Variants in ASPG observed in about 807,000 individuals in gnomAD.
The protein encoded by ASPG is asparaginase.
In ASPG, 53 loss-of-function variants were observed where a neutral mutation model predicts 63.2. The ratio of observed to expected loss-of-function variants is 0.84; its 90% CI spans 0.67 to 1.05. The LOEUF is 1.05. Ranked by LOEUF, ASPG falls within the 50% of genes least tolerant of loss-of-function variation. The pLI is 0.00. For missense variants in ASPG, 741 were observed against 794.4 expected (o/e 0.93, Z 0.81); for synonymous variants, 370 against 355.0 (o/e 1.04, Z -0.48).
At chr14:104,108,544 G>A (rs2037246444) in intron 12 of ASPG, 2 of 985,444 alleles carry the variant, frequency 2.0e-6, no homozygotes, top group Non-Finnish European at 2.4e-6. Flanking sequence ...CCTAAATGGG[G>A]TGATGGGGGG....
intron 14 of ASPG, 54 bp from the exon 15 acceptor site, chr14:104,111,866 C>A: frequency 6.6e-7 from 1 of 1,510,814 alleles, no homozygotes; most frequent in Non-Finnish European, 9.0e-7. Flanking sequence ...GATCCTTGGG[C>A]CAGGCTGCTA....
chr14:104,107,429 G>C lies in ASPG; in HGVS notation c.1433+84G>C, dbSNP rs938775401. 9 of 1,276,104 alleles carry C rather than the reference G, an allele frequency of 7.1e-6. 1 individual carries two copies. The highest frequency in any genetic ancestry group is 7.4e-5 in the Admixed American group (2 of 27,058). 79.0% of individuals were successfully genotyped at this position (1,276,104 alleles called of 1,614,324 possible). ...GGCTCCTGCACTCAAACAGCCTCCCGGGGCTGGGCTGGGAGAGGTGGAGGA... is the reference window on the plus strand; with the variant it reads ...GGCTCCTGCACTCAAACAGCCTCCCCGGGCTGGGCTGGGAGAGGTGGAGGA... On this transcript the variant is annotated intron_variant, in intron 12 of 15. Transcript: ENST00000551177.
chr14:104,109,324 A>C lies in ASPG; in HGVS notation c.1520+9A>C, dbSNP rs1231935707. On this transcript the variant is annotated intron_variant, in intron 13 of 15. Coordinates refer to ENST00000551177, the MANE Select transcript of ASPG (RefSeq NM_001080464.3). This position sits in a 1 kb window ranked among gnomAD's most constrained non-coding sequence, Gnocchi z 4.8. ...GGGACGGAGCTGTGCAGGTGAGTGCAGCTAGAGCACCTGCTCTTCCAGGGA... is the reference window on the plus strand; with the variant it reads ...GGGACGGAGCTGTGCAGGTGAGTGCCGCTAGAGCACCTGCTCTTCCAGGGA... 1 of 1,601,506 alleles carries C rather than the reference A, an allele frequency of 6.2e-7. No homozygotes were observed. Among genetic ancestry groups the C allele is most frequent in the Admixed American group, 1.7e-5 (1 of 58,798 alleles).
In ASPG at chr14:104,095,669, G is replaced by C. The variant is rs774944032; in HGVS notation, c.429+13G>C. The C allele has an allele frequency of 1.3e-4, 204 of 1,611,956 alleles. No individual in the cohort carries two copies. The highest frequency in any genetic ancestry group is 1.7e-4 in the Non-Finnish European group (199 of 1,179,692). Reference sequence around the variant, plus strand: ...CACTGGGGCCCAGGTAATCCCAGGGGCCCGGGGCTCCTAGGAACAGGGGCT... The same window carrying C: ...CACTGGGGCCCAGGTAATCCCAGGGCCCCGGGGCTCCTAGGAACAGGGGCT... On this transcript the variant is annotated intron_variant, in intron 4 of 15. Transcript: ENST00000551177.
chr14:104,111,997 C>A lies in ASPG; in HGVS notation c.1698C>A (p.Cys566Ter), dbSNP rs948686349. 6.4e-7 allele frequency: 1 copy of A among 1,552,998 alleles called. No homozygotes were observed. The highest frequency in any genetic ancestry group is 8.7e-7 in the Non-Finnish European group (1 of 1,147,884). ...LEGAVGAQAPCPEVLPGV is the reference protein window; with the variant it reads ...LEGAVGAQAP ...GTGCGGTTGGTGCCCAGGCCCCATG[C>A]CCAGTAAGTCCCCACCCCAGGCGGG... Residue 566 changes from cysteine (C) to a stop codon, truncating the protein, a stop_gained, in exon 15 of 16, where the codon TGC becomes TGA. Coordinates refer to ENST00000551177, the MANE Select transcript of ASPG (RefSeq NM_001080464.3). LOFTEE classifies it high-confidence loss of function.
chr14:104,105,565 G>C lies in ASPG; in HGVS notation c.1173+115G>C, dbSNP rs1196420334. The C allele has an allele frequency of 5.8e-6, 8 of 1,368,598 alleles. No individual in the cohort carries two copies. In the East Asian group the frequency reaches 2.1e-4, roughly 35 times the overall value. 84.8% of individuals were successfully genotyped at this position (1,368,598 alleles called of 1,614,324 possible). On this transcript the variant is annotated intron_variant, in intron 10 of 15. Transcript: ENST00000551177. ...TGTAGCCATCACTCGAGCCCAAACA[G>C]TTAGGCACACCCGGGTTCTGGGGCC... is the stretch of plus-strand genomic sequence containing the variant.
At chr14:104,090,644 C>G (rs2036339755) in intron 1 of ASPG, among the ~76,000 whole-genome samples, 1 of 152,262 alleles carries the variant, frequency 6.6e-6, no homozygotes, top group South Asian at 2.1e-4. Flanking sequence ...AGGCCAGCAT[C>G]TCCAAGGGCC....
intron 10 of ASPG, among the ~76,000 whole-genome samples, chr14:104,105,824 G>A (rs570056318): frequency 6.5e-4 from 99 of 152,324 alleles, no homozygotes; most frequent in Non-Finnish European, 1.1e-3. Flanking sequence ...TGAGGAACCC[G>A]GAGGTGAGGG....
At chr14:104,103,309 G>C (rs1325215148) in intron 6 of ASPG, among the ~76,000 whole-genome samples, 2 of 152,382 alleles carry the variant, frequency 1.3e-5, no homozygotes, top group East Asian at 3.9e-4. Flanking sequence ...CTCGGCCATC[G>C]GTCTCTCGCT....
In ASPG at chr14:104,113,375, C is replaced by T. The variant is rs566492693; in HGVS notation, c.*831C>T. 348 of 152,562 alleles carry T rather than the reference C, an allele frequency of 2.3e-3. No homozygotes were observed. Among genetic ancestry groups the T allele is most frequent in the Non-Finnish European group, 3.4e-3 (231 of 68,214 alleles). 9.5% of individuals were successfully genotyped at this position (152,562 alleles called of 1,614,324 possible). A position where few individuals can be genotyped will look rare whatever the true frequency, so the allele number is the denominator to read the frequency against. On this transcript the variant is annotated 3_prime_UTR_variant, in exon 16 of 16. Coordinates refer to ENST00000551177, the MANE Select transcript of ASPG (RefSeq NM_001080464.3). ...GGGTGGGGCGGGCCCTGCTGCTGCC[C>T]GGTGGGGGTGGTGCTCCAAGGCCAA...
chr14:104,087,986 G>A (rs1490826845), intron 1 of ASPG, among the ~76,000 whole-genome samples: 1 of 152,202 alleles, frequency 6.6e-6, no homozygotes, highest in Admixed American at 6.5e-5. Context: ...TGGGGTCCTG[G>A]CTTCTGCTCA....
Position 104,112,536 on chromosome 14 carries a change from G to C in ASPG, c.1714G>C (p.Gly572Arg). The change falls in exon 16 of 16, where the codon GGT becomes CGT. Residue 572 changes from glycine to arginine, a missense_variant. Transcript: ENST00000551177. Reference sequence around the variant, plus strand: ...CTCATGTTTTCAGGAAGTGCTGCCTGGTGTCTAACCTGAAGGCGTCCTGCT... The same window carrying C: ...CTCATGTTTTCAGGAAGTGCTGCCTCGTGTCTAACCTGAAGGCGTCCTGCT... ...AQAPCPEVLP[G>R]V The C allele has an allele frequency of 6.5e-7, 1 of 1,539,136 alleles. No individual in the cohort carries two copies. Among genetic ancestry groups the C allele is most frequent in the South Asian group, 1.1e-5 (1 of 89,262 alleles).
chr14:104,107,299 C>A lies in ASPG; in HGVS notation c.1387C>A (p.Arg463=). ...LLQRGVDVNT[R]DTDGFSPLLL... Reference sequence around the variant, plus strand: ...GCAGAGAGGTGTGGACGTGAACACCCGGGACACGGATGGCTTCAGCCCGCT... The same window carrying A: ...GCAGAGAGGTGTGGACGTGAACACCAGGGACACGGATGGCTTCAGCCCGCT... The change falls in exon 12 of 16, where the codon CGG becomes AGG. Residue 463 remains arginine (R), a synonymous_variant. Transcript: ENST00000551177. 1 of 1,605,460 alleles carries A rather than the reference C, an allele frequency of 6.2e-7. No homozygotes were observed. Among genetic ancestry groups the A allele is most frequent in the Non-Finnish European group, 8.5e-7 (1 of 1,175,282 alleles).
At chr14:104,093,051 C>T (rs1200066028) in intron 2 of ASPG, 11 of 482,666 alleles carry the variant, frequency 2.3e-5, no homozygotes, top group Non-Finnish European at 4.1e-5. Context: ...CCAGCTGGCC[C>T]AGGTGGCCTT....
At chr14:104,087,592 G>A (rs2036254054) in intron 1 of ASPG, among the ~76,000 whole-genome samples, 1 of 152,220 alleles carries the variant, frequency 6.6e-6, no homozygotes, top group African/African-American at 2.4e-5. Context: ...AGCAGGGCCG[G>A]AGCCTGCCAG....
chr14:104,108,922 C>T, intron 12 of ASPG: 1 of 985,372 alleles, frequency 1.0e-6, no homozygotes, highest in Non-Finnish European at 1.2e-6. Context: ...TCTGCTAGCA[C>T]CAACTAATGC....
In ASPG at chr14:104,094,881, C is replaced by T. The variant is rs374725323; in HGVS notation, c.304-650C>T. 1.1e-3 allele frequency among the ~76,000 whole-genome samples: 161 copies of T among 152,344 alleles called. 5 individuals carry two copies. In the East Asian group the frequency reaches 0.026, roughly 24 times the overall value. Reference sequence around the variant, plus strand: ...CGCTCCTCTGCAGTTCCCAGGCCTACGGGGCTTGGTCTTTTAATGGCCCCC... The same window carrying T: ...CGCTCCTCTGCAGTTCCCAGGCCTATGGGGCTTGGTCTTTTAATGGCCCCC... On this transcript the variant is annotated intron_variant, in intron 3 of 15. Transcript: ENST00000551177.
Position 104,110,175 on chromosome 14 carries a change from G to A in ASPG, c.1520+860G>A, listed in dbSNP as rs2037327483. 1 of 985,188 alleles carries A rather than the reference G, an allele frequency of 1.0e-6. No individual in the cohort carries two copies. Among genetic ancestry groups the A allele is most frequent in the Non-Finnish European group, 1.2e-6 (1 of 829,904 alleles). The allele number at this position is 985,188 out of a possible 1,614,324, so 61.0% of individuals were successfully genotyped here. ...GCCGGGTGCAGGTGGTGGCTGGGGT[G>A]GGGGTGCTGTGAGTGGTGGGGTCTG... On this transcript the variant is annotated intron_variant, in intron 13 of 15. Transcript: ENST00000551177. This position sits in a 1 kb window ranked among gnomAD's most constrained non-coding sequence, Gnocchi z 4.7.
intron 1 of ASPG, among the ~76,000 whole-genome samples, chr14:104,086,703 G>A (rs536098654): frequency 2.2e-4 from 34 of 152,182 alleles, no homozygotes; most frequent in African/African-American, 8.2e-4. Flanking sequence ...GGCCAGGACA[G>A]CCCCCTCGCC....
Sources: gnomAD v4.1 joint callset for allele counts (sites outside exome capture counted in the v4.1 genomes callset) on GRCh38, gnomAD v4.1.1 for gene constraint, Gnocchi (gnomAD v3.1) non-coding constraint, MANE v1.5 for transcripts, NCBI Gene and HGNC (gene_info 2026-07-23, HGNC 2026-07-21) for gene names.